ATP6V0A4: variants seen among roughly 807,000 people sequenced by gnomAD.
The protein encoded by ATP6V0A4 is ATPase H+ transporting V0 subunit a4, also known as V-type proton ATPase 116 kDa subunit a 4.
A neutral mutation model predicts 107.3 loss-of-function variants in ATP6V0A4; 86 were observed. That is an observed-to-expected ratio of 0.80 (90% CI 0.67 to 0.96). The LOEUF is 0.96. Among genes scored for constraint, ATP6V0A4 ranks in the 40% least tolerant of loss-of-function variants. ATP6V0A4 has a pLI of 0.00. For synonymous variants in ATP6V0A4, 353 were observed against 381.4 expected (o/e 0.93, Z 0.87); for missense variants, 908 against 1,045.6 (o/e 0.87, Z 1.81).
chr7:138,763,956 G>T (rs1311851737), intron 5 of ATP6V0A4, among the ~76,000 whole-genome samples: 2 of 140,472 alleles, frequency 1.4e-5, no homozygotes, highest in Admixed American at 7.1e-5. Flanking sequence ...CTTTTTTTCA[G>T]ACTCTGTCTC....
At chr7:138,769,124 G>A in intron 4 of ATP6V0A4, 49 bp downstream of exon 4, 1 of 1,590,760 alleles carries the variant, frequency 6.3e-7, no homozygotes, top group Middle Eastern at 1.7e-4. Flanking sequence ...TAACCCCCTT[G>A]CCAGTTCACA....
In ATP6V0A4 at chr7:138,746,936, A is replaced by C. The variant is rs550995639; in HGVS notation, c.1320+489T>G. Among the ~76,000 whole-genome samples the C allele has an allele frequency of 4.0e-4, 61 of 152,372 alleles. 2 individuals carry two copies. The South Asian group carries it at 0.012, about 31-fold the overall frequency. ...CAGTGTTCAGAAGAACACGGGTCCCAGGCTGCTTCTGCCATGAACAAATAC... is the reference window on the plus strand; with the variant it reads ...CAGTGTTCAGAAGAACACGGGTCCCCGGCTGCTTCTGCCATGAACAAATAC... On this transcript the variant is annotated intron_variant, in intron 13 of 21. Transcript: ENST00000310018.
intron 4 of ATP6V0A4, 117 bp from the exon 5 acceptor site, chr7:138,768,991 G>GAGC: frequency 6.4e-7 from 1 of 1,573,508 alleles, no homozygotes; most frequent in Non-Finnish European, 8.6e-7. Context: ...ATTGTCCTAG[G>GAGC]AGCTGCCACA....
chr7:138,766,886 A>C (rs1224831356), intron 5 of ATP6V0A4, among the ~76,000 whole-genome samples: 1 of 152,214 alleles, frequency 6.6e-6, no homozygotes, highest in East Asian at 1.9e-4. Flanking sequence ...TCAAAGAAGA[A>C]TATCCATAAT....
chr7:138,752,699 G>T lies in ATP6V0A4; in HGVS notation c.955C>A (p.Gln319Lys), dbSNP rs757038554. The T allele has an allele frequency of 9.3e-6, 15 of 1,613,926 alleles. No individual in the cohort carries two copies. Among genetic ancestry groups the T allele is most frequent in the Non-Finnish European group, 1.1e-5 (13 of 1,179,956 alleles). ...AACCAGATCTCGGCGATGACACACT[G>T]CTGGGTGACGTCGATGTTGCACATG... ...LNMCNIDVTQQCVIAEIWFPV... is the reference protein window; with the variant it reads ...LNMCNIDVTQKCVIAEIWFPV... Residue 319 changes from glutamine to lysine, a missense_variant, in exon 11 of 22, where the codon CAG (glutamine) becomes AAG (lysine). Transcript: ENST00000310018.
At chr7:138,724,035 A>C (rs1173904506) in intron 18 of ATP6V0A4, among the ~76,000 whole-genome samples, 2 of 151,772 alleles carry the variant, frequency 1.3e-5, no homozygotes, top group East Asian at 3.9e-4. Flanking sequence ...CAAAAAAAAA[A>C]AAAAAAAAAA....
chr7:138,793,567 ACT>A (rs1179584936), intron 1 of ATP6V0A4, among the ~76,000 whole-genome samples: 2 of 152,204 alleles, frequency 1.3e-5, no homozygotes, highest in African/African-American at 4.8e-5. Flanking sequence ...TACCCGGAGC[ACT>A]GACCCCACAA....
At chr7:138,726,777 C>G (rs564883441) in intron 18 of ATP6V0A4, among the ~76,000 whole-genome samples, 5 of 152,220 alleles carry the variant, frequency 3.3e-5, no homozygotes, top group Admixed American at 2.0e-4. Context: ...GAACAGGCCT[C>G]CACGCCGTCT....
intron 6 of ATP6V0A4, 167 bp from the exon 7 acceptor site, chr7:138,762,601 G>T: frequency 1.2e-6 from 1 of 828,400 alleles, no homozygotes; most frequent in Non-Finnish European, 1.5e-6. Flanking sequence ...AGCTTCCCTG[G>T]TCTTTTCCTA....
intron 3 of ATP6V0A4, among the ~76,000 whole-genome samples, chr7:138,770,199 A>T (rs772983441): frequency 6.6e-6 from 1 of 152,134 alleles, no homozygotes; most frequent in Non-Finnish European, 1.5e-5. Context: ...CTGAAAAAAG[A>T]AAAGTAAAGT....
At chr7:138,781,222 G>A (rs1470126883) in intron 2 of ATP6V0A4, among the ~76,000 whole-genome samples, 1 of 152,230 alleles carries the variant, frequency 6.6e-6, no homozygotes, top group East Asian at 1.9e-4. Context: ...AAAGCACCCT[G>A]CTCCTGCTGG....
chr7:138,762,769 C>T (rs547015296), intron 6 of ATP6V0A4, 131 bp downstream of exon 6: 2 of 1,120,208 alleles, frequency 1.8e-6, no homozygotes, highest in Admixed American at 3.4e-5. Flanking sequence ...TACTCCCCCG[C>T]CCTCACCAAT....
intron 21 of ATP6V0A4, 64 bp from the exon 22 acceptor site, chr7:138,706,781 G>A: frequency 6.2e-7 from 1 of 1,601,970 alleles, no homozygotes; most frequent in Non-Finnish European, 8.5e-7. Flanking sequence ...TTAGAGGCTG[G>A]AAGGTGGAGG....
intron 7 of ATP6V0A4, among the ~76,000 whole-genome samples, chr7:138,760,444 C>CAAAAA (rs570463822): frequency 0.045 from 2,715 of 60,618 alleles, 150 homozygotes; most frequent in African/African-American, 0.16. Context: ...AACTCTGTCT[C>CAAAAA]AAAAAAAAAA....
Position 138,752,802 on chromosome 7 carries a change from C to G in ATP6V0A4, c.852G>C (p.Leu284=). Residue 284 remains leucine (L), a synonymous_variant, in exon 11 of 22, where the codon CTG becomes CTC. Transcript: ENST00000310018. ...ITQTESHRQR[L]LQEAAANWHS... ...GCCAGTTGGCAGCGGCTTCCTGCAG[C>G]AGGCGCTGGCGGTGAGACTCTGTTT... The G allele has an allele frequency of 6.2e-7, 1 of 1,614,166 alleles. No homozygotes were observed. Among genetic ancestry groups the G allele is most frequent in the Non-Finnish European group, 8.5e-7 (1 of 1,180,014 alleles).
chr7:138,776,356 T>C (rs1412174719), intron 2 of ATP6V0A4, among the ~76,000 whole-genome samples: 1 of 152,214 alleles, frequency 6.6e-6, no homozygotes, highest in Non-Finnish European at 1.5e-5. Context: ...CTTGCGTTTC[T>C]TGAGAGGCGG....
chr7:138,766,385 C>T (rs1584937752), intron 5 of ATP6V0A4, among the ~76,000 whole-genome samples: 1 of 151,452 alleles, frequency 6.6e-6, no homozygotes, highest in South Asian at 2.1e-4. Flanking sequence ...TTTGTATTTT[C>T]AGTAGAGATG....
intron 11 of ATP6V0A4, among the ~76,000 whole-genome samples, chr7:138,751,434 A>G (rs554101541): frequency 6.6e-6 from 1 of 151,918 alleles, no homozygotes; most frequent in Non-Finnish European, 1.5e-5. Flanking sequence ...ATCTTGTACT[A>G]TTTAGGGCAG....
At chr7:138,714,405 C>A (rs146088037) in intron 20 of ATP6V0A4, among the ~76,000 whole-genome samples, 2 of 151,940 alleles carry the variant, frequency 1.3e-5, no homozygotes, top group East Asian at 3.9e-4. Context: ...GTTAGGCAAC[C>A]CCAGGGGCTC....
Sources: gnomAD v4.1 joint callset for allele counts (sites outside exome capture counted in the v4.1 genomes callset) on GRCh38, gnomAD v4.1.1 for gene constraint, MANE v1.5 for transcripts, NCBI Gene and HGNC (gene_info 2026-07-23, HGNC 2026-07-21) for gene names.